PABPC4L: variants seen among roughly 807,000 people sequenced by gnomAD.
The protein encoded by PABPC4L is poly(A) binding protein cytoplasmic 4 like.
For synonymous variants in PABPC4L, 169 were observed against 164.1 expected (o/e 1.03, Z -0.23); for missense variants, 452 against 451.4 (o/e 1.00, Z -0.01).
the PABPC4L span, among the ~76,000 whole-genome samples, chr4:134,017,721 T>C: frequency 6.6e-6 from 1 of 152,118 alleles, no homozygotes; most frequent in Admixed American, 6.5e-5. Flanking sequence ...CAAAACCGTA[T>C]CCAGGCCATC....
chr4:134,052,186 A>T, the PABPC4L span, among the ~76,000 whole-genome samples: 1 of 152,162 alleles, frequency 6.6e-6, no homozygotes, highest in South Asian at 2.1e-4. Context: ...TCCCTAGGTT[A>T]ATTTCAAAGT....
the PABPC4L span, among the ~76,000 whole-genome samples, chr4:133,972,300 CTA>C: frequency 6.6e-6 from 1 of 152,172 alleles, no homozygotes; most frequent in Admixed American, 6.5e-5. Context: ...AGAACCCAAA[CTA>C]TATACTGCTT....
chr4:134,037,654 G>C, the PABPC4L span, among the ~76,000 whole-genome samples: 1 of 152,088 alleles, frequency 6.6e-6, no homozygotes, highest in Non-Finnish European at 1.5e-5. Context: ...ATAAACATGT[G>C]AAAAACATGC....
At chr4:133,988,487 A>C in the PABPC4L span, among the ~76,000 whole-genome samples, 2 of 152,348 alleles carry the variant, frequency 1.3e-5, no homozygotes, top group South Asian at 4.1e-4. Flanking sequence ...GTAGTCATTA[A>C]ATCTTAAAGT....
the PABPC4L span, among the ~76,000 whole-genome samples, chr4:134,153,396 A>C: frequency 6.6e-6 from 1 of 152,022 alleles, no homozygotes; most frequent in East Asian, 1.9e-4. Flanking sequence ...ATAGACCAAG[A>C]ATATTTTCCA....
Position 134,199,663 on chromosome 4 carries a change from C to G in PABPC4L, c.*244G>C. 2.1e-6 allele frequency: 1 copy of G among 475,526 alleles called. No homozygotes were observed. The highest frequency in any genetic ancestry group is 3.7e-6 in the Non-Finnish European group (1 of 271,462). 29.5% of individuals were successfully genotyped at this position (475,526 alleles called of 1,614,324 possible). A position where few individuals can be genotyped will look rare whatever the true frequency, so the allele number is the denominator to read the frequency against. ...TTTATACTTATTGCTATGAACATAT[C>G]AAAATAAGAAAAATGTGCAATATTA... On this transcript the variant is annotated 3_prime_UTR_variant, in exon 2 of 2. Transcript: ENST00000421491.
the PABPC4L span, among the ~76,000 whole-genome samples, chr4:134,066,731 T>C: frequency 1.3e-5 from 2 of 152,120 alleles, no homozygotes; most frequent in Admixed American, 1.3e-4. Context: ...CCTGTTTTTT[T>C]GAAGGCTTTT....
At chr4:134,180,437 T>C in the PABPC4L span, among the ~76,000 whole-genome samples, 1 of 151,732 alleles carries the variant, frequency 6.6e-6, no homozygotes, top group East Asian at 1.9e-4. Flanking sequence ...ATTAAAAAGT[T>C]AGACAGATCT....
chr4:134,039,330 C>T, the PABPC4L span, among the ~76,000 whole-genome samples: 1 of 152,056 alleles, frequency 6.6e-6, no homozygotes, highest in Non-Finnish European at 1.5e-5. Context: ...CTGTAGATGT[C>T]TATTAGGTCT....
chr4:134,007,325 T>C, the PABPC4L span, among the ~76,000 whole-genome samples: 1 of 151,564 alleles, frequency 6.6e-6, no homozygotes, highest in Non-Finnish European at 1.5e-5. Flanking sequence ...TGTTTTGTCA[T>C]AAAATATTAC....
the PABPC4L span, among the ~76,000 whole-genome samples, chr4:133,955,269 GA>G: frequency 2.0e-5 from 3 of 148,944 alleles, no homozygotes; most frequent in Admixed American, 6.7e-5. Context: ...GACTGGCTTT[GA>G]AAAAAAAAGA....
At chr4:133,954,150 C>T in the PABPC4L span, among the ~76,000 whole-genome samples, 1 of 152,144 alleles carries the variant, frequency 6.6e-6, no homozygotes, top group Non-Finnish European at 1.5e-5. Flanking sequence ...GGTTTAATTC[C>T]CTTAAGGGCC....
rs2125708967 is a variant in PABPC4L, at chr4:134,199,092, A to G, written c.*815T>C. 6.6e-6 allele frequency: 1 copy of G among 152,210 alleles called. No homozygotes were observed. Among genetic ancestry groups the G allele is most frequent in the African/African-American group, 2.4e-5 (1 of 41,568 alleles). 9.4% of individuals were successfully genotyped at this position (152,210 alleles called of 1,614,324 possible). On this transcript the variant is annotated 3_prime_UTR_variant, in exon 2 of 2. Transcript: ENST00000421491. ...ATCTGGTAAAAATTTAAGATAATAT[A>G]TTAAGCCATATAGGTATGAAGAGAT...
At chr4:133,957,125 C>A in the PABPC4L span, among the ~76,000 whole-genome samples, 1 of 152,302 alleles carries the variant, frequency 6.6e-6, no homozygotes, top group Non-Finnish European at 1.5e-5. Context: ...AACCAAAAGT[C>A]AAAGTCCAAA....
At chr4:134,037,468 T>C in the PABPC4L span, among the ~76,000 whole-genome samples, 3 of 152,124 alleles carry the variant, frequency 2.0e-5, no homozygotes. Context: ...ATGTGCTTGA[T>C]GGTGTGCCAA....
At chr4:133,955,269 G>T in the PABPC4L span, among the ~76,000 whole-genome samples, 1 of 148,948 alleles carries the variant, frequency 6.7e-6, no homozygotes, top group African/African-American at 2.5e-5. Context: ...GACTGGCTTT[G>T]AAAAAAAAAG....
chr4:134,102,492 G>T, the PABPC4L span, among the ~76,000 whole-genome samples: 1 of 151,368 alleles, frequency 6.6e-6, no homozygotes, highest in Non-Finnish European at 1.5e-5. Flanking sequence ...TGTTTAAAAA[G>T]TTTCTCAGGT....
the PABPC4L span, among the ~76,000 whole-genome samples, chr4:134,099,664 A>G: frequency 2.6e-5 from 4 of 151,832 alleles, no homozygotes; most frequent in South Asian, 8.3e-4. Flanking sequence ...GCAATTGTAA[A>G]GGAGTGGGAT....
downstream of PABPC4L, among the ~76,000 whole-genome samples, chr4:134,195,237 G>A (rs1729622554): frequency 6.6e-6 from 1 of 151,574 alleles, no homozygotes; most frequent in South Asian, 2.1e-4. Flanking sequence ...AAGATTTGCT[G>A]GAACTACTAT....
Sources: allele counts gnomAD v4.1 joint callset (sites outside exome capture counted in the v4.1 genomes callset), GRCh38; gene constraint gnomAD v4.1.1; transcripts MANE v1.5; gene names NCBI Gene and HGNC (gene_info 2026-07-23, HGNC 2026-07-21).